Variants in ZNF337 observed in about 807,000 individuals in gnomAD.
The protein encoded by ZNF337 is zinc finger protein 337.
A neutral mutation model predicts 12.1 loss-of-function variants in ZNF337; 8 were observed. The ratio of observed to expected loss-of-function variants is 0.66; its 90% confidence interval spans 0.39 to 1.19. The LOEUF (loss-of-function observed/expected upper bound fraction) is 1.19. Among genes scored for constraint, ZNF337 ranks in the 50% most tolerant of loss-of-function variants. The probability of loss-of-function intolerance (pLI) is 0.01; values close to 1 mark genes in which losing one functional copy is unlikely to be tolerated. For synonymous variants in ZNF337, 336 were observed against 320.0 expected, an observed-to-expected ratio of 1.05 and a Z score of -0.53; for missense variants, 882 against 896.6, an observed-to-expected ratio of 0.98 and a Z score of 0.21.
chr20:25,678,461 T>C (rs892951375), intron 4 of ZNF337, among the ~76,000 whole-genome samples: 1 of 152,180 alleles, frequency 6.6e-6, no homozygotes, highest in African/African-American at 2.4e-5. Flanking sequence ...ACAGATTCAC[T>C]GCAATACCTA....
intron 3 of ZNF337, 150 bp from the exon 4 acceptor site, chr20:25,685,812 A>G (rs944091945): frequency 5.1e-6 from 6 of 1,179,948 alleles, no homozygotes; most frequent in Non-Finnish European, 7.2e-6. Context: ...ACAAACCCCC[A>G]GGGGGAGCCC....
intron 1 of ZNF337, among the ~76,000 whole-genome samples, chr20:25,687,173 C>A (rs991036088): frequency 6.6e-6 from 1 of 152,142 alleles, no homozygotes; most frequent in Non-Finnish European, 1.5e-5. Flanking sequence ...TGTATACAAA[C>A]TTTTGGAACA....
chr20:25,690,841 C>T (rs113548177), intron 1 of ZNF337, among the ~76,000 whole-genome samples: 3,453 of 152,132 alleles, frequency 0.023, 120 homozygotes, highest in African/African-American at 0.078. Context: ...GAACGAATAC[C>T]AAGATAATAG....
At position 25,685,644 on chromosome 20, in the gene ZNF337, G is replaced by A; in HGVS notation, c.173C>T (p.Pro58Leu). The A allele has an allele frequency of 6.2e-7, 1 of 1,614,120 alleles. No individual in the cohort carries two copies. The highest frequency in any genetic ancestry group is 8.5e-7 in the Non-Finnish European group (1 of 1,179,998). The part of the protein sequence containing the change: ...LVSLGILHSK[P>L]ELIRRLEQGE... ...TTGCTCTAGCCGCCTGATGAGTTCT[G>A]GTTTAGAATGGAGAATTCCTGCTCA... Residue 58 changes from proline (P) to leucine (L), a missense_variant, in exon 4 of 5, where the codon CCA (proline) becomes CTA (leucine). By Grantham distance (98) the Pro-to-Leu change is moderately conservative (BLOSUM62 -3). Coordinates refer to ENST00000252979, the MANE Select transcript of ZNF337 (RefSeq NM_015655.4).
chr20:25,689,107 A>T (rs1390430236), intron 1 of ZNF337, among the ~76,000 whole-genome samples: 1 of 147,336 alleles, frequency 6.8e-6, no homozygotes, highest in African/African-American at 2.6e-5. Context: ...ACTGCGCTCC[A>T]GCCTGAGCAA....
In ZNF337 at chr20:25,673,672, G is replaced by T. The variant is rs2065641407; in HGVS notation, c.*1360C>A. ...CTACAGGCCTTCAGCCCACATATTT[G>T]GGCAATAATTCTGCCTTCTATCCAA... On this transcript the variant is annotated 3_prime_UTR_variant, in exon 5 of 5. Transcript: ENST00000252979. 6.6e-6 allele frequency among the ~76,000 whole-genome samples: 1 copy of T among 152,100 alleles called. No homozygotes were observed. Among genetic ancestry groups the T allele is most frequent in the Non-Finnish European group, 1.5e-5 (1 of 68,014 alleles).
Position 25,674,925 on chromosome 20 carries a change from G to T in ZNF337, c.*107C>A. 5 of 1,010,858 alleles carry T rather than the reference G, an allele frequency of 4.9e-6. No homozygotes were observed. The highest frequency in any genetic ancestry group is 7.3e-6 in the Non-Finnish European group (5 of 688,886). 62.6% of individuals were successfully genotyped at this position (1,010,858 alleles called of 1,614,324 possible). ...CTCTGTAGCCCTCTGGATTCTGTCT[G>T]CCTCTGTTATATCTTCACGAACAAG... On this transcript the variant is annotated 3_prime_UTR_variant, in exon 5 of 5. Transcript: ENST00000252979.
At chr20:25,683,806 G>A (rs1305731889) in intron 4 of ZNF337, among the ~76,000 whole-genome samples, 2 of 152,052 alleles carry the variant, frequency 1.3e-5, no homozygotes, top group Admixed American at 6.6e-5. Flanking sequence ...GATTCCTCAG[G>A]GATCTAGAAC....
At chr20:25,677,108 A>G (rs1364640605) in intron 4 of ZNF337, 71 bp from the exon 5 acceptor site, 17 of 1,255,232 alleles carry the variant, frequency 1.4e-5, no homozygotes, top group African/African-American at 3.0e-5. Flanking sequence ...ACCCAGAACC[A>G]TATTGCTTTA....
intron 4 of ZNF337, among the ~76,000 whole-genome samples, chr20:25,684,031 T>TAC (rs2065797852): frequency 6.6e-6 from 1 of 151,886 alleles, no homozygotes; most frequent in Non-Finnish European, 1.5e-5. Flanking sequence ...CCGTAAAAAA[T>TAC]GATGGGTTCA....
chr20:25,690,427 G>A (rs990034669), intron 1 of ZNF337, among the ~76,000 whole-genome samples: 2 of 152,296 alleles, frequency 1.3e-5, no homozygotes, highest in African/African-American at 2.4e-5. Context: ...AAAATTACAG[G>A]TGCAGAATAC....
At chr20:25,679,097 A>G (rs535783825) in intron 4 of ZNF337, among the ~76,000 whole-genome samples, 1 of 152,356 alleles carries the variant, frequency 6.6e-6, no homozygotes, top group South Asian at 2.1e-4. Flanking sequence ...ATGGTATTAG[A>G]AAAAGTGAAT....
chr20:25,681,451 C>T (rs1359976982), intron 4 of ZNF337, among the ~76,000 whole-genome samples: 1 of 152,118 alleles, frequency 6.6e-6, no homozygotes, highest in Non-Finnish European at 1.5e-5. Context: ...AAGAACTCCA[C>T]AGTCTGTATG....
At chr20:25,695,277 AAAAC>A (rs1160325196) in intron 1 of ZNF337, among the ~76,000 whole-genome samples, 2 of 152,198 alleles carry the variant, frequency 1.3e-5, no homozygotes, top group East Asian at 3.8e-4. Flanking sequence ...TCTAAAAACA[AAAAC>A]AAAAACACAA....
rs1339302808 is a variant in ZNF337, at chr20:25,676,668, AG to A, written c.619del (p.Leu207PhefsTer105). ...CTGGTGACACTCCCTGCATGTAAAA[AG>A]TTTCTGCCTGGAATGTGCTTTTTTG... ...IHKKAHSRQK[L>X]FTCRECHQGF... On this transcript the variant is annotated frameshift_variant, in exon 5 of 5. Transcript: ENST00000252979. LOFTEE classifies it low-confidence loss of function (END_TRUNC). The A allele has an allele frequency of 6.8e-6, 11 of 1,614,204 alleles. No homozygotes were observed. Among genetic ancestry groups the A allele is most frequent in the Non-Finnish European group, 8.5e-6 (10 of 1,180,046 alleles).
Position 25,676,624 on chromosome 20 carries a change from C to T in ZNF337, c.664G>A (p.Ala222Thr). The change falls in exon 5 of 5, where the codon GCA becomes ACA. Residue 222 changes from alanine to threonine, a missense_variant. Physicochemically the swap from Ala to Thr is moderately conservative, Grantham distance 58 (BLOSUM62 0). Coordinates refer to ENST00000252979, the MANE Select transcript of ZNF337 (RefSeq NM_015655.4). ...TGTGTGTTCTGGTGCAAGAGCAATG[C>T]TGACTCATCTCTAAAGCCCTGGTGA... ...ECHQGFRDES[A>T]LLLHQNTHTG... 2.5e-6 allele frequency: 4 copies of T among 1,614,152 alleles called. No homozygotes were observed. Among genetic ancestry groups the T allele is most frequent in the Admixed American group, 3.3e-5 (2 of 60,020 alleles).
intron 4 of ZNF337, among the ~76,000 whole-genome samples, chr20:25,685,146 TAGA>T (rs1184873168): frequency 6.8e-6 from 1 of 147,174 alleles, no homozygotes; most frequent in African/African-American, 2.5e-5. Context: ...AATCAGTATA[TAGA>T]AGAATGAGAT....
At chr20:25,678,764 G>A (rs1454820567) in intron 4 of ZNF337, among the ~76,000 whole-genome samples, 1 of 151,966 alleles carries the variant, frequency 6.6e-6, no homozygotes, top group Non-Finnish European at 1.5e-5. Context: ...TGGGCAACAC[G>A]ATGAGACCCC....
chr20:25,679,978 T>C (rs1273379179), intron 4 of ZNF337, among the ~76,000 whole-genome samples: 1 of 152,102 alleles, frequency 6.6e-6, no homozygotes, highest in Non-Finnish European at 1.5e-5. Flanking sequence ...TAAAGAAGAA[T>C]AAGAATACTG....
Sources: gnomAD v4.1 joint callset for allele counts (sites outside exome capture counted in the v4.1 genomes callset) on GRCh38, gnomAD v4.1.1 for gene constraint, MANE v1.5 for transcripts, NCBI Gene and HGNC (gene_info 2026-07-23, HGNC 2026-07-21) for gene names.